Variants in CEP128 observed in about 807,000 individuals in gnomAD.
CEP128 encodes centrosomal protein 128, also known as centrosomal protein 128kDa.
CEP128 carries 132 observed loss-of-function variants against 156.7 expected under a neutral mutation model. That is an observed-to-expected ratio of 0.84 (90% confidence interval 0.73 to 0.97). CEP128 has a LOEUF of 0.97. Among genes scored for constraint, CEP128 ranks in the 50% least tolerant of loss-of-function variants. The probability of loss-of-function intolerance (pLI) is 0.00; values close to 1 mark genes in which losing one functional copy is unlikely to be tolerated. For missense variants in CEP128, 1,252 were observed against 1,281.9 expected (o/e 0.98, Z 0.36); for synonymous variants, 469 against 448.9 (o/e 1.04, Z -0.57).
intron 19 of CEP128, among the ~76,000 whole-genome samples, chr14:80,726,518 T>C (rs1011928973): frequency 6.6e-6 from 1 of 152,200 alleles, no homozygotes; most frequent in African/African-American, 2.4e-5. Flanking sequence ...TGAATTAACA[T>C]TTTAAATTCC....
At chr14:80,537,335 C>CT in intron 21 of CEP128, among the ~76,000 whole-genome samples, 1 of 152,164 alleles carries the variant, frequency 6.6e-6, no homozygotes, top group Non-Finnish European at 1.5e-5. Context: ...TTTGGGTTTT[C>CT]TTTTTTTCCT....
At chr14:80,754,871 G>T (rs1253865797) in intron 18 of CEP128, among the ~76,000 whole-genome samples, 2 of 152,120 alleles carry the variant, frequency 1.3e-5, no homozygotes, top group Non-Finnish European at 2.9e-5. Context: ...TACCTTGTTA[G>T]AACTTGTTAC....
At chr14:80,606,952 C>T (rs189529267) in intron 19 of CEP128, among the ~76,000 whole-genome samples, 2 of 149,742 alleles carry the variant, frequency 1.3e-5, no homozygotes, top group South Asian at 2.1e-4. Flanking sequence ...AAACTCTTAC[C>T]TTGTTTTGAT....
chr14:80,541,388 T>C (rs1302130545), intron 21 of CEP128, among the ~76,000 whole-genome samples: 1 of 143,060 alleles, frequency 7.0e-6, no homozygotes, highest in Non-Finnish European at 1.5e-5. Flanking sequence ...AGAATACCTA[T>C]GGAGTGGAAA....
At chr14:80,517,889 G>C (rs1249257320) in intron 23 of CEP128, among the ~76,000 whole-genome samples, 2 of 152,026 alleles carry the variant, frequency 1.3e-5, no homozygotes, top group Non-Finnish European at 2.9e-5. Flanking sequence ...GACTGGGAGT[G>C]GCAATGGGCG....
intron 5 of CEP128, 23 bp downstream of exon 5, chr14:80,905,932 T>A (rs1883862993): frequency 1.9e-6 from 3 of 1,603,824 alleles, no homozygotes; most frequent in African/African-American, 1.3e-5. Flanking sequence ...TTTAATGTTT[T>A]TCAGAACATT....
At chr14:80,801,907 C>T (rs1883882612) in intron 13 of CEP128, among the ~76,000 whole-genome samples, 1 of 16,206 alleles carries the variant, frequency 6.2e-5, no homozygotes, top group South Asian at 1.7e-3. Flanking sequence ...GACTCTGTCT[C>T]CCCAAAAAAA....
intron 13 of CEP128, among the ~76,000 whole-genome samples, chr14:80,803,416 C>T (rs1883992238): frequency 6.7e-6 from 1 of 149,260 alleles, no homozygotes; most frequent in Non-Finnish European, 1.5e-5. Flanking sequence ...ACAGTTACTA[C>T]TAAAAGTATT....
chr14:80,711,175 A>C (rs975453358), intron 19 of CEP128, among the ~76,000 whole-genome samples: 1 of 152,116 alleles, frequency 6.6e-6, no homozygotes, highest in East Asian at 1.9e-4. Context: ...GAATTCACTT[A>C]GGAGACCTTT....
chr14:80,570,508 A>G lies in CEP128; in HGVS notation c.2856+9866T>C, dbSNP rs188143256. ...AAAGCCAGGAACATAGACTTCAAAGACATTAAGTGTGTTGAAGTCCATGTT... is the reference window on the plus strand; with the variant it reads ...AAAGCCAGGAACATAGACTTCAAAGGCATTAAGTGTGTTGAAGTCCATGTT... On this transcript the variant is annotated intron_variant, in intron 20 of 24. Transcript: ENST00000555265. 4.9e-3 allele frequency among the ~76,000 whole-genome samples: 746 copies of G among 152,274 alleles called. 7 individuals are homozygous for G. The highest frequency in any genetic ancestry group is 0.017 in the African/African-American group (716 of 41,542).
chr14:80,811,822 A>G (rs906328937), intron 13 of CEP128, among the ~76,000 whole-genome samples: 6 of 151,858 alleles, frequency 4.0e-5, no homozygotes, highest in Non-Finnish European at 8.8e-5. Context: ...CATGTATTAG[A>G]TAGATAGATA....
rs1012304090 is a variant in CEP128 at position 80,785,464 on chromosome 14, C to G, written c.1642G>C (p.Asp548His). ...TGAAGGGCACGCTTTGTTAGGACAT[C>G]ATTCAATTCCTTTCGAAGATTCTCT... Reference protein sequence around the residue: ...QIENLRKELNDVLTKRALQEE... With the variant: ...QIENLRKELNHVLTKRALQEE... Residue 548 changes from aspartate to histidine, a missense_variant, in exon 15 of 25, where the codon GAT becomes CAT. By Grantham distance (81) the Asp-to-His change is moderately conservative. Transcript: ENST00000555265. 2 of 1,613,664 alleles carry G rather than the reference C, an allele frequency of 1.2e-6. No individual in the cohort carries two copies. Among genetic ancestry groups the G allele is most frequent in the Admixed American group, 3.3e-5 (2 of 59,940 alleles).
At position 80,496,915 on chromosome 14, in the gene CEP128, G is replaced by A. The variant is rs189572040; in HGVS notation, c.*564C>T. Reference sequence around the variant, plus strand: ...ATGATTGGAAATAATTTTCAGCTACGGTATGCAGTTGTGGACTGTTAAGAT... The same window carrying A: ...ATGATTGGAAATAATTTTCAGCTACAGTATGCAGTTGTGGACTGTTAAGAT... On this transcript the variant is annotated 3_prime_UTR_variant, in exon 25 of 25. Transcript: ENST00000555265. 7 of 152,116 alleles carry A rather than the reference G, an allele frequency of 4.6e-5. No homozygotes were observed. Among genetic ancestry groups the A allele is most frequent in the Non-Finnish European group, 7.3e-5 (5 of 68,050 alleles). 9.4% of individuals were successfully genotyped at this position (152,116 alleles called of 1,614,324 possible).
chr14:80,685,773 T>G (rs185159945), intron 19 of CEP128, among the ~76,000 whole-genome samples: 1 of 151,866 alleles, frequency 6.6e-6, no homozygotes, highest in African/African-American at 2.4e-5. Context: ...CATGGAACAA[T>G]AGAACAGAAT....
intron 13 of CEP128, among the ~76,000 whole-genome samples, chr14:80,798,800 T>C (rs1030481842): frequency 6.6e-6 from 1 of 152,204 alleles, no homozygotes; most frequent in Non-Finnish European, 1.5e-5. Context: ...TGTTCACTGA[T>C]GGAATGAACG....
chr14:80,617,499 T>A (rs1306302351), intron 19 of CEP128, among the ~76,000 whole-genome samples: 2 of 152,036 alleles, frequency 1.3e-5, no homozygotes, highest in African/African-American at 2.4e-5. Flanking sequence ...CCTCCCAAAG[T>A]GCTGGGATTA....
At chr14:80,890,780 T>C (rs951027157) in intron 8 of CEP128, among the ~76,000 whole-genome samples, 2 of 152,050 alleles carry the variant, frequency 1.3e-5, no homozygotes, top group African/African-American at 4.8e-5. Flanking sequence ...GTATCACAGA[T>C]CTTAAAGTTT....
intron 8 of CEP128, among the ~76,000 whole-genome samples, chr14:80,868,056 A>T (rs756521743): frequency 1.1e-4 from 17 of 152,142 alleles, no homozygotes; most frequent in Middle Eastern, 3.4e-3. Context: ...ATAAATTCAA[A>T]GTCCTGGCAG....
At chr14:80,560,173 C>A (rs896532786) in intron 20 of CEP128, among the ~76,000 whole-genome samples, 3 of 152,164 alleles carry the variant, frequency 2.0e-5, no homozygotes, top group Admixed American at 2.0e-4. Flanking sequence ...CACCTGTAAT[C>A]CCAGCACTTT....
Sources: allele counts gnomAD v4.1 joint callset (sites outside exome capture counted in the v4.1 genomes callset), GRCh38; gene constraint gnomAD v4.1.1; transcripts MANE v1.5; gene names NCBI Gene and HGNC (gene_info 2026-07-23, HGNC 2026-07-21).